CCDC148: variants seen among roughly 807,000 people sequenced by gnomAD.
CCDC148 encodes the protein coiled-coil domain containing 148.
In CCDC148, 89 loss-of-function variants were observed where a neutral mutation model predicts 85.7. The ratio of observed to expected loss-of-function variants is 1.04; its 90% CI spans 0.87 to 1.24. CCDC148 has a LOEUF of 1.24. Among genes scored for constraint, CCDC148 ranks in the 50% most tolerant of loss-of-function variants. The pLI, the probability that CCDC148 is intolerant of heterozygous loss-of-function variation, is 0.00. For synonymous variants in CCDC148, 230 were observed against 213.9 expected, an observed-to-expected ratio of 1.08 and a Z score of -0.66; for missense variants, 692 against 671.7, an observed-to-expected ratio of 1.03 and a Z score of -0.33.
At chr2:158,317,579 T>C (rs1360477778) in intron 7 of CCDC148, among the ~76,000 whole-genome samples, 1 of 152,200 alleles carries the variant, frequency 6.6e-6, no homozygotes, top group East Asian at 1.9e-4. Flanking sequence ...GTTTGAATTA[T>C]TCCAAAAATC....
chr2:158,418,098 G>GT (rs544670743), intron 1 of CCDC148, among the ~76,000 whole-genome samples: 174 of 145,206 alleles, frequency 1.2e-3, no homozygotes, highest in African/African-American at 3.2e-3. Flanking sequence ...TCCCTTGAGT[G>GT]TTTTTTTTTT....
At chr2:158,437,052 T>A (rs898345207) in intron 1 of CCDC148, among the ~76,000 whole-genome samples, 8 of 152,084 alleles carry the variant, frequency 5.3e-5, no homozygotes, top group African/African-American at 1.7e-4. Context: ...AGAGGTAGAA[T>A]GAGGAGCTGG....
intron 1 of CCDC148, among the ~76,000 whole-genome samples, chr2:158,422,347 T>C (rs548496025): frequency 9.8e-5 from 15 of 152,306 alleles, no homozygotes; most frequent in African/African-American, 3.1e-4. Context: ...AATAAAGTAC[T>C]GGCAAACCGA....
chr2:158,358,318 A>G (rs1315968507), intron 2 of CCDC148, 131 bp downstream of exon 2: 2 of 1,030,986 alleles, frequency 1.9e-6, no homozygotes, highest in East Asian at 2.7e-5. Flanking sequence ...GCTGCTATTC[A>G]CTATTATTTC....
At chr2:158,435,639 A>G (rs576325753) in intron 1 of CCDC148, among the ~76,000 whole-genome samples, 1 of 152,336 alleles carries the variant, frequency 6.6e-6, no homozygotes, top group African/African-American at 2.4e-5. Context: ...TTAACTTTAA[A>G]TGTAAACAGG....
chr2:158,246,800 C>G (rs1246525109), intron 10 of CCDC148, among the ~76,000 whole-genome samples: 1 of 152,156 alleles, frequency 6.6e-6, no homozygotes, highest in Admixed American at 6.6e-5. Flanking sequence ...AACCCCAGAC[C>G]AGTGCTGTGC....
At chr2:158,276,505 G>A (rs980931844) in intron 9 of CCDC148, among the ~76,000 whole-genome samples, 2 of 151,968 alleles carry the variant, frequency 1.3e-5, no homozygotes, top group South Asian at 2.1e-4. Context: ...GCAGTGAGCC[G>A]AGATCACGCC....
chr2:158,374,041 C>A (rs1344647330), intron 1 of CCDC148, among the ~76,000 whole-genome samples: 8 of 152,024 alleles, frequency 5.3e-5, no homozygotes, highest in African/African-American at 1.9e-4. Context: ...GTATTAGAAG[C>A]AAACATATAG....
At chr2:158,253,910 T>C (rs1421747772) in intron 9 of CCDC148, among the ~76,000 whole-genome samples, 1 of 151,638 alleles carries the variant, frequency 6.6e-6, no homozygotes, top group African/African-American at 2.4e-5. Context: ...AGCATTCCCA[T>C]GAATTATTCT....
intron 7 of CCDC148, among the ~76,000 whole-genome samples, chr2:158,327,001 A>T (rs917744687): frequency 1.3e-5 from 2 of 152,150 alleles, no homozygotes; most frequent in Admixed American, 6.6e-5. Context: ...AATTTTCACA[A>T]TTTTTAATCT....
At chr2:158,225,546 T>A (rs575772109) in intron 10 of CCDC148, among the ~76,000 whole-genome samples, 28 of 152,298 alleles carry the variant, frequency 1.8e-4, no homozygotes, top group Non-Finnish European at 4.0e-4. Context: ...ATTGACCACA[T>A]AGTTGGAAGT....
At chr2:158,217,362 T>TTG (rs1165912265) in intron 11 of CCDC148, among the ~76,000 whole-genome samples, 8,470 of 98,818 alleles carry the variant, frequency 0.086, 304 homozygotes, top group Middle Eastern at 0.12. Context: ...ATATAAAATT[T>TTG]TGTGTGTGTG....
intron 1 of CCDC148, among the ~76,000 whole-genome samples, chr2:158,387,648 G>T (rs939832829): frequency 1.3e-5 from 2 of 151,116 alleles, no homozygotes; most frequent in Admixed American, 6.6e-5. Context: ...TCCCCATTCT[G>T]CCCCCCACCC....
intron 1 of CCDC148, among the ~76,000 whole-genome samples, chr2:158,391,761 A>G (rs1685318424): frequency 6.6e-6 from 1 of 152,182 alleles, no homozygotes; most frequent in African/African-American, 2.4e-5. Context: ...GTGTAAGTAA[A>G]GTTGTAATCA....
At chr2:158,192,091 G>C (rs1685449311) in intron 11 of CCDC148, among the ~76,000 whole-genome samples, 1 of 152,036 alleles carries the variant, frequency 6.6e-6, no homozygotes, top group Non-Finnish European at 1.5e-5. Context: ...CAATAAACTG[G>C]ACAGAGATTC....
At chr2:158,196,962 T>C (rs1685706342) in intron 11 of CCDC148, among the ~76,000 whole-genome samples, 1 of 152,178 alleles carries the variant, frequency 6.6e-6, no homozygotes, top group Non-Finnish European at 1.5e-5. Context: ...TCATTAACTG[T>C]CTTAGAATCA....
At chr2:158,251,741 G>A (rs1688802799) in intron 9 of CCDC148, among the ~76,000 whole-genome samples, 1 of 151,722 alleles carries the variant, frequency 6.6e-6, no homozygotes, top group Admixed American at 6.6e-5. Context: ...AAATATCCAC[G>A]ACATATTGTT....
rs187103188 is a variant in CCDC148 at position 158,421,747 on chromosome 2, A to T, written c.25+34668T>A. Among the ~76,000 whole-genome samples the T allele has an allele frequency of 9.8e-5, 15 of 152,310 alleles. No individual in the cohort carries two copies. The East Asian group carries it at 2.7e-3, about 27-fold the overall frequency. ...AAGAAATAACTAAGATCAGAGCAGA[A>T]CGTAAGGAGATAGAGACACAAAAAA... is the stretch of plus-strand genomic sequence containing the variant. On this transcript the variant is annotated intron_variant, in intron 1 of 13. Transcript: ENST00000283233.
intron 1 of CCDC148, chr2:158,366,169 C>T: frequency 1.1e-6 from 1 of 917,832 alleles, no homozygotes; most frequent in East Asian, 2.8e-5. Flanking sequence ...AAAGTAAGAC[C>T]CAGGACTGGG....
Sources: gnomAD v4.1 joint callset for allele counts (sites outside exome capture counted in the v4.1 genomes callset) on GRCh38, gnomAD v4.1.1 for gene constraint, MANE v1.5 for transcripts, NCBI Gene and HGNC (gene_info 2026-07-23, HGNC 2026-07-21) for gene names.